ADAMTSL1: variants seen among roughly 807,000 people sequenced by gnomAD.
ADAMTSL1 encodes the protein ADAMTS like 1.
A neutral mutation model predicts 201.8 loss-of-function variants in ADAMTSL1; 126 were observed. The ratio of observed to expected loss-of-function variants is 0.62; its 90% CI spans 0.54 to 0.72. The LOEUF (loss-of-function observed/expected upper bound fraction) is 0.72, where lower values mean the gene tolerates loss of function less well. ADAMTSL1 is among the 30% of genes least tolerant of loss of function. The pLI, the probability that ADAMTSL1 is intolerant of heterozygous loss-of-function variation, is 0.00. For missense variants in ADAMTSL1, 2,679 were observed against 2,277.8 expected (o/e 1.18, Z -3.59); for synonymous variants, 1,121 against 903.4 (o/e 1.24, Z -4.32).
chr9:18,370,493 G>A (rs747785295), intron 2 of ADAMTSL1, among the ~76,000 whole-genome samples: 4 of 151,952 alleles, frequency 2.6e-5, no homozygotes, highest in Admixed American at 6.6e-5. Flanking sequence ...CACAACCTAC[G>A]TAAAGCACTT....
At chr9:18,223,749 C>G (rs995574301) in intron 2 of ADAMTSL1, among the ~76,000 whole-genome samples, 3 of 152,064 alleles carry the variant, frequency 2.0e-5, no homozygotes, top group African/African-American at 7.2e-5. Flanking sequence ...ATCTTTAATT[C>G]TATGGTTGTT....
intron 13 of ADAMTSL1, among the ~76,000 whole-genome samples, chr9:18,696,608 A>G (rs1189852244): frequency 6.6e-6 from 1 of 152,138 alleles, no homozygotes; most frequent in African/African-American, 2.4e-5. Context: ...CAGAAAGACG[A>G]TGTTATCTTC....
rs568777963 is a variant in ADAMTSL1, at chr9:18,029,599, A to C, written c.87+122677A>C. On this transcript the variant is annotated intron_variant, in intron 1 of 29. Coordinates refer to the ADAMTSL1 transcript ENST00000680146. ...GCACAGCAAAAGAAACTACCATCAG[A>C]GTGAACAGGCAACCTACAGAATGGG... 6.1e-3 allele frequency among the ~76,000 whole-genome samples: 926 copies of C among 152,214 alleles called. 6 individuals carry two copies. Among genetic ancestry groups the C allele is most frequent in the African/African-American group, 0.021 (860 of 41,528 alleles).
chr9:18,246,846 G>A (rs2132472948), intron 2 of ADAMTSL1, among the ~76,000 whole-genome samples: 1 of 152,220 alleles, frequency 6.6e-6, no homozygotes, highest in African/African-American at 2.4e-5. Context: ...CAGAAAGAAT[G>A]GGCATTTCAG....
intron 14 of ADAMTSL1, among the ~76,000 whole-genome samples, chr9:18,717,108 A>G (rs1329449609): frequency 6.7e-6 from 1 of 148,982 alleles, no homozygotes; most frequent in Admixed American, 6.7e-5. Flanking sequence ...CGGGGGAGGG[A>G]TAGCATTGGG....
intron 2 of ADAMTSL1, among the ~76,000 whole-genome samples, chr9:18,388,216 G>A (rs1047658473): frequency 6.6e-6 from 1 of 151,014 alleles, no homozygotes; most frequent in Non-Finnish European, 1.5e-5. Flanking sequence ...AGTAAATTTA[G>A]TCTTTTATAC....
chr9:18,049,640 T>A (rs968976006), intron 1 of ADAMTSL1, among the ~76,000 whole-genome samples: 5 of 151,986 alleles, frequency 3.3e-5, no homozygotes, highest in African/African-American at 1.2e-4. Context: ...TTTTCTTTTT[T>A]TGAGATGGAG....
intron 23 of ADAMTSL1, among the ~76,000 whole-genome samples, chr9:18,853,857 CT>C (rs544348787): frequency 2.7e-5 from 4 of 150,306 alleles, no homozygotes; most frequent in African/African-American, 9.9e-5. Flanking sequence ...AAGTCCAGTA[CT>C]TGGCCTGTGG....
chr9:18,032,819 A>C (rs1332144232), intron 1 of ADAMTSL1, among the ~76,000 whole-genome samples: 2 of 151,994 alleles, frequency 1.3e-5, no homozygotes, highest in African/African-American at 4.8e-5. Flanking sequence ...GGTTTTTTGG[A>C]GTTCCTTTAC....
intron 4 of ADAMTSL1, among the ~76,000 whole-genome samples, chr9:18,581,605 C>T (rs1823097092): frequency 6.6e-6 from 1 of 152,140 alleles, no homozygotes; most frequent in Admixed American, 6.5e-5. Context: ...TATAGTGCAT[C>T]CTGGGACATC....
At chr9:18,608,962 A>C (rs1480694739) in intron 4 of ADAMTSL1, among the ~76,000 whole-genome samples, 1 of 152,206 alleles carries the variant, frequency 6.6e-6, no homozygotes, top group East Asian at 1.9e-4. Context: ...CCTTATACTA[A>C]GATGGGTTGC....
intron 1 of ADAMTSL1, among the ~76,000 whole-genome samples, chr9:18,018,001 C>T (rs919542583): frequency 6.6e-5 from 10 of 152,012 alleles, no homozygotes; most frequent in African/African-American, 2.4e-4. Flanking sequence ...AAACTGTGGC[C>T]TGAGGGATAA....
intron 2 of ADAMTSL1, among the ~76,000 whole-genome samples, chr9:18,382,642 T>C (rs1837605117): frequency 6.6e-6 from 1 of 152,066 alleles, no homozygotes. Flanking sequence ...AGAGCCTGTT[T>C]AGAGGTATGT....
intron 1 of ADAMTSL1, among the ~76,000 whole-genome samples, chr9:18,480,427 C>G (rs1295876105): frequency 6.6e-6 from 1 of 152,162 alleles, no homozygotes; most frequent in Non-Finnish European, 1.5e-5. Flanking sequence ...AACTTCATGA[C>G]TCTAAGGAAT....
chr9:17,945,125 A>G (rs1827404230), intron 1 of ADAMTSL1, among the ~76,000 whole-genome samples: 1 of 121,498 alleles, frequency 8.2e-6, no homozygotes, highest in African/African-American at 3.2e-5. Context: ...ACAAGAAAAA[A>G]ACAAACAACC....
At chr9:18,456,994 C>G (rs773308678) in intron 2 of ADAMTSL1, among the ~76,000 whole-genome samples, 1 of 152,096 alleles carries the variant, frequency 6.6e-6, no homozygotes, top group Non-Finnish European at 1.5e-5. Context: ...TAGAACAGTC[C>G]CGGACATAAG....
intron 2 of ADAMTSL1, among the ~76,000 whole-genome samples, chr9:18,456,823 A>G (rs1331614657): frequency 6.6e-6 from 1 of 152,114 alleles, no homozygotes; most frequent in Non-Finnish European, 1.5e-5. Context: ...CAACCCCACC[A>G]TGAAGCTACT....
intron 1 of ADAMTSL1, among the ~76,000 whole-genome samples, chr9:18,030,749 A>C (rs756133872): frequency 8.5e-5 from 13 of 152,088 alleles, no homozygotes; most frequent in Non-Finnish European, 1.6e-4. Flanking sequence ...GTATACTCAA[A>C]TATGTTTTCC....
At chr9:18,476,834 G>A (rs1821479790) in intron 1 of ADAMTSL1, among the ~76,000 whole-genome samples, 1 of 152,046 alleles carries the variant, frequency 6.6e-6, no homozygotes, top group Non-Finnish European at 1.5e-5. Context: ...TCATTTCACT[G>A]ACAGCTGAAT....
Sources: allele counts gnomAD v4.1 joint callset (sites outside exome capture counted in the v4.1 genomes callset), GRCh38; gene constraint gnomAD v4.1.1; transcripts MANE v1.5; gene names NCBI Gene and HGNC (gene_info 2026-07-23, HGNC 2026-07-21).